SLC24A3: variants seen among roughly 807,000 people sequenced by gnomAD.
SLC24A3 encodes sodium/potassium/calcium exchanger 3.
SLC24A3 carries 28 observed loss-of-function variants against 75.8 expected under a neutral mutation model. The ratio of observed to expected loss-of-function variants is 0.37; its 90% CI spans 0.27 to 0.51. The LOEUF (loss-of-function observed/expected upper bound fraction) is 0.51, where lower values mean the gene tolerates loss of function less well. SLC24A3 is among the 20% of genes least tolerant of loss of function. SLC24A3 has a pLI of 0.94. For synonymous variants in SLC24A3, 372 were observed against 334.1 expected, an observed-to-expected ratio of 1.11 and a Z score of -1.24; for missense variants, 663 against 847.8, an observed-to-expected ratio of 0.78 and a Z score of 2.71.
intron 6 of SLC24A3, among the ~76,000 whole-genome samples, chr20:19,615,906 G>C (rs932106138): frequency 2.0e-5 from 3 of 152,172 alleles, no homozygotes; most frequent in Non-Finnish European, 4.4e-5. Flanking sequence ...TTTGGACTCA[G>C]ACTGAGCCAC....
intron 6 of SLC24A3, among the ~76,000 whole-genome samples, chr20:19,642,398 A>G (rs1249993421): frequency 6.6e-6 from 1 of 152,256 alleles, no homozygotes; most frequent in Non-Finnish European, 1.5e-5. Context: ...AAATATTATC[A>G]TTCCAGGTGG....
rs6112343 is a variant in SLC24A3 at position 19,392,095 on chromosome 20, G to T, written c.271+111008G>T. Among the ~76,000 whole-genome samples, 1,158 of 152,238 alleles carry T rather than the reference G, an allele frequency of 7.6e-3. 10 individuals are homozygous for T. Among genetic ancestry groups the T allele is most frequent in the African/African-American group, 0.026 (1,099 of 41,538 alleles). On this transcript the variant is annotated intron_variant, in intron 2 of 16. Transcript: ENST00000328041. Reference sequence around the variant, plus strand: ...GGCACACAGTAGGTATACAATTAATGTTTGTTGATTTAAAAAAAGAAAGGT... The same window carrying T: ...GGCACACAGTAGGTATACAATTAATTTTTGTTGATTTAAAAAAAGAAAGGT...
At chr20:19,649,385 T>C (rs2032174331) in intron 6 of SLC24A3, among the ~76,000 whole-genome samples, 1 of 152,224 alleles carries the variant, frequency 6.6e-6, no homozygotes, top group Non-Finnish European at 1.5e-5. Flanking sequence ...TTTTGTAAAT[T>C]GAACTGGCCA....
At chr20:19,367,360 G>GCAAAGAAA (rs1354675966) in intron 2 of SLC24A3, among the ~76,000 whole-genome samples, 1 of 152,160 alleles carries the variant, frequency 6.6e-6, no homozygotes, top group African/African-American at 2.4e-5. Flanking sequence ...CAATTGTTTG[G>GCAAAGAAA]CAAAGAAACA....
intron 7 of SLC24A3, among the ~76,000 whole-genome samples, chr20:19,655,686 CT>C (rs1451228968): frequency 2.0e-5 from 3 of 152,248 alleles, no homozygotes; most frequent in African/African-American, 7.2e-5. Flanking sequence ...TTTGCCCTTT[CT>C]GTTTGAGCTG....
intron 6 of SLC24A3, among the ~76,000 whole-genome samples, chr20:19,612,883 G>C (rs2031689370): frequency 6.6e-6 from 1 of 152,190 alleles, no homozygotes. Flanking sequence ...GTCCCATTGT[G>C]CTTAGAGTAA....
At chr20:19,451,549 G>T (rs1291694255) in intron 2 of SLC24A3, among the ~76,000 whole-genome samples, 2 of 152,200 alleles carry the variant, frequency 1.3e-5, no homozygotes, top group Non-Finnish European at 2.9e-5. Flanking sequence ...CATGAGTTTT[G>T]TTACTTGAAC....
intron 2 of SLC24A3, among the ~76,000 whole-genome samples, chr20:19,335,711 C>A (rs543571008): frequency 6.6e-6 from 1 of 152,326 alleles, no homozygotes; most frequent in African/African-American, 2.4e-5. Flanking sequence ...GCAATCAGAT[C>A]ACTGGGTCAA....
chr20:19,285,477 C>CA (rs35866612), intron 2 of SLC24A3, among the ~76,000 whole-genome samples: 2,752 of 41,552 alleles, frequency 0.066, 157 homozygotes, highest in African/African-American at 0.13. Context: ...GACCCTGTCT[C>CA]AAAAAAAAAA....
intron 12 of SLC24A3, among the ~76,000 whole-genome samples, chr20:19,686,976 G>C (rs989496548): frequency 2.6e-5 from 4 of 152,120 alleles, no homozygotes; most frequent in African/African-American, 9.7e-5. Context: ...GGATTAAATG[G>C]CAAAACACTC....
intron 1 of SLC24A3, among the ~76,000 whole-genome samples, chr20:19,226,619 G>A (rs1307701872): frequency 6.6e-6 from 1 of 151,996 alleles, no homozygotes; most frequent in Non-Finnish European, 1.5e-5. Context: ...ATGTTTATTG[G>A]GCATTTAGTG....
intron 2 of SLC24A3, among the ~76,000 whole-genome samples, chr20:19,446,922 C>T (rs1987397250): frequency 6.6e-6 from 1 of 152,196 alleles, no homozygotes; most frequent in African/African-American, 2.4e-5. Context: ...TGGATTTCCC[C>T]TTGGCATTAG....
intron 2 of SLC24A3, among the ~76,000 whole-genome samples, chr20:19,496,369 A>G (rs1045519630): frequency 2.6e-5 from 4 of 152,078 alleles, no homozygotes; most frequent in African/African-American, 9.7e-5. Flanking sequence ...TGCATGGTTC[A>G]CTCAGGACCC....
chr20:19,653,245 C>T (rs897550924), intron 6 of SLC24A3, among the ~76,000 whole-genome samples: 2 of 152,218 alleles, frequency 1.3e-5, no homozygotes, highest in Middle Eastern at 3.2e-3. Flanking sequence ...TTCTTTGCAC[C>T]TAGCAGCCCC....
intron 2 of SLC24A3, among the ~76,000 whole-genome samples, chr20:19,347,482 G>A (rs1204886315): frequency 6.6e-6 from 1 of 152,086 alleles, no homozygotes; most frequent in African/African-American, 2.4e-5. Flanking sequence ...GGAGCATTTG[G>A]GAACTCTGTA....
intron 15 of SLC24A3, among the ~76,000 whole-genome samples, chr20:19,701,060 G>A (rs909170944): frequency 6.6e-6 from 1 of 152,106 alleles, no homozygotes; most frequent in African/African-American, 2.4e-5. Context: ...GAAGTTTTGG[G>A]ACAGCTTTAT....
At chr20:19,265,239 G>C (rs1016888529) in intron 1 of SLC24A3, among the ~76,000 whole-genome samples, 1 of 152,188 alleles carries the variant, frequency 6.6e-6, no homozygotes, top group Non-Finnish European at 1.5e-5. Flanking sequence ...ACCATCAGTG[G>C]CCAGCCTTCT....
chr20:19,453,925 CAA>C (rs1423898229), intron 2 of SLC24A3, among the ~76,000 whole-genome samples: 1 of 152,234 alleles, frequency 6.6e-6, no homozygotes, highest in East Asian at 1.9e-4. Context: ...AAAATACACG[CAA>C]AGTCTTCATT....
At chr20:19,427,759 G>A (rs1252302831) in intron 2 of SLC24A3, among the ~76,000 whole-genome samples, 2 of 152,242 alleles carry the variant, frequency 1.3e-5, no homozygotes, top group Non-Finnish European at 2.9e-5. Flanking sequence ...TGGAGGCTGG[G>A]AGGAGGGACT....
Sources: allele counts gnomAD v4.1 joint callset (sites outside exome capture counted in the v4.1 genomes callset), GRCh38; gene constraint gnomAD v4.1.1; transcripts MANE v1.5; gene names NCBI Gene and HGNC (gene_info 2026-07-23, HGNC 2026-07-21).